The following TRPM3 variants were observed in gnomAD, a reference collection of about 807,000 sequenced individuals.
TRPM3 encodes long transient receptor potential channel 3.
A neutral mutation model predicts 181.2 loss-of-function variants in TRPM3; 77 were observed. The ratio of observed to expected loss-of-function variants is 0.42; its 90% confidence interval spans 0.35 to 0.51. TRPM3 has a LOEUF of 0.51. TRPM3 is among the 20% of genes least tolerant of loss of function. The pLI is 0.01. For synonymous variants in TRPM3, 745 were observed against 796.4 expected (o/e 0.94, Z 1.09); for missense variants, 1,759 against 2,196.7 (o/e 0.80, Z 3.98).
intron 1 of TRPM3, among the ~76,000 whole-genome samples, chr9:71,428,415 C>T (rs1248298446): frequency 1.3e-5 from 2 of 151,988 alleles, no homozygotes. Context: ...TTTTAAACAG[C>T]TTTCCAGGTG....
intron 22 of TRPM3, among the ~76,000 whole-genome samples, chr9:70,567,531 T>C (rs1311876634): frequency 2.0e-5 from 3 of 152,228 alleles, no homozygotes; most frequent in Non-Finnish European, 4.4e-5. Flanking sequence ...TTTTTAAATA[T>C]GGCCATCACA....
chr9:70,532,083 G>A lies in TRPM3; in HGVS notation c.*3870C>T, dbSNP rs2040956934. 1.3e-5 allele frequency: 2 copies of A among 152,132 alleles called. No individual in the cohort carries two copies. Among genetic ancestry groups the A allele is most frequent in the African/African-American group, 4.8e-5 (2 of 41,418 alleles). The allele number at this position is 152,132 out of a possible 1,614,324, so 9.4% of individuals were successfully genotyped here. ...TGGGTTAAACATGGGTTACATACAT[G>A]TTTACATGTGTTTTATAATACAGCA... On this transcript the variant is annotated 3_prime_UTR_variant, in exon 26 of 26. Coordinates refer to ENST00000677713, the MANE Select transcript of TRPM3 (RefSeq NM_001366145.2).
chr9:70,989,596 C>T (rs956698684), intron 1 of TRPM3, among the ~76,000 whole-genome samples: 18 of 152,186 alleles, frequency 1.2e-4, no homozygotes, highest in Admixed American at 4.6e-4. Flanking sequence ...ATGGAGGTTA[C>T]GGTGTTGGCA....
chr9:70,538,537 T>C (rs186281842), intron 25 of TRPM3, among the ~76,000 whole-genome samples: 7 of 152,330 alleles, frequency 4.6e-5, no homozygotes, highest in Non-Finnish European at 1.0e-4. Flanking sequence ...CAAGCGATCC[T>C]CCTGGCTCAG....
At chr9:70,872,429 C>T (rs2095804262) in intron 1 of TRPM3, among the ~76,000 whole-genome samples, 1 of 151,944 alleles carries the variant, frequency 6.6e-6, no homozygotes, top group African/African-American at 2.4e-5. Flanking sequence ...GAGGACTTTG[C>T]TCCTGTCATT....
chr9:70,924,681 G>T (rs773381101), intron 1 of TRPM3, among the ~76,000 whole-genome samples: 30 of 152,032 alleles, frequency 2.0e-4, no homozygotes, highest in Non-Finnish European at 4.1e-4. Flanking sequence ...AGGCCAGCTC[G>T]GTTTCTACCA....
At chr9:71,141,386 G>A (rs959334686) in intron 1 of TRPM3, among the ~76,000 whole-genome samples, 3 of 152,088 alleles carry the variant, frequency 2.0e-5, no homozygotes, top group East Asian at 3.9e-4. Flanking sequence ...GGATTTTAGT[G>A]TTCAAAAACC....
chr9:70,541,865 G>A (rs2131663702), intron 25 of TRPM3, among the ~76,000 whole-genome samples: 1 of 152,222 alleles, frequency 6.6e-6, no homozygotes, highest in East Asian at 2.0e-4. Context: ...GCTCACACCT[G>A]TAATCCCAGG....
intron 9 of TRPM3, among the ~76,000 whole-genome samples, chr9:70,657,380 CT>C (rs1208347732): frequency 1.3e-5 from 2 of 151,620 alleles, no homozygotes; most frequent in Non-Finnish European, 2.9e-5. Context: ...ATACTAACAA[CT>C]CATTTTCAGC....
At chr9:71,062,465 T>A (rs2061436901) in intron 1 of TRPM3, among the ~76,000 whole-genome samples, 1 of 152,118 alleles carries the variant, frequency 6.6e-6, no homozygotes, top group African/African-American at 2.4e-5. Context: ...AAACACAGCA[T>A]AAAACCATAC....
chr9:71,109,660 A>G (rs964163746), intron 1 of TRPM3, among the ~76,000 whole-genome samples: 4 of 152,142 alleles, frequency 2.6e-5, no homozygotes, highest in Admixed American at 2.6e-4. Context: ...TAGACAATCT[A>G]CCAATGTTTA....
chr9:71,368,260 T>C (rs1397115553), intron 1 of TRPM3, among the ~76,000 whole-genome samples: 1 of 152,190 alleles, frequency 6.6e-6, no homozygotes, highest in Non-Finnish European at 1.5e-5. Flanking sequence ...GATTACTTGT[T>C]TGACAGCTGC....
At chr9:70,656,025 A>G (rs1256725189) in intron 9 of TRPM3, among the ~76,000 whole-genome samples, 2 of 152,206 alleles carry the variant, frequency 1.3e-5, no homozygotes, top group Non-Finnish European at 2.9e-5. Flanking sequence ...CAAATACCTT[A>G]TCAGAAAAAG....
intron 1 of TRPM3, among the ~76,000 whole-genome samples, chr9:71,251,367 G>C (rs1010057806): frequency 6.6e-6 from 1 of 152,000 alleles, no homozygotes; most frequent in African/African-American, 2.4e-5. Flanking sequence ...ACTTTGTTCT[G>C]AGTTCATCTT....
intron 1 of TRPM3, among the ~76,000 whole-genome samples, chr9:71,366,124 A>C (rs1387438415): frequency 6.6e-6 from 1 of 152,208 alleles, no homozygotes; most frequent in Non-Finnish European, 1.5e-5. Context: ...GTAATTGCTT[A>C]GCACATAGTA....
chr9:70,878,290 A>G (rs1226205747), intron 1 of TRPM3, among the ~76,000 whole-genome samples: 1 of 152,128 alleles, frequency 6.6e-6, no homozygotes, highest in Non-Finnish European at 1.5e-5. Flanking sequence ...ACAGAAGCAT[A>G]GCTGTGGAGT....
At chr9:71,172,091 C>T (rs1204287583) in intron 1 of TRPM3, among the ~76,000 whole-genome samples, 1 of 151,924 alleles carries the variant, frequency 6.6e-6, no homozygotes, top group Non-Finnish European at 1.5e-5. Flanking sequence ...TTTTGCAGGA[C>T]GTGTCTTGCT....
intron 17 of TRPM3, 75 bp downstream of exon 17, chr9:70,618,792 G>C (rs372764267): frequency 8.6e-6 from 11 of 1,280,350 alleles, no homozygotes; most frequent in East Asian, 7.1e-5. Context: ...CAATTCCATG[G>C]CAGATTTTGG....
chr9:71,415,434 TAC>T (rs2093622197), intron 1 of TRPM3, among the ~76,000 whole-genome samples: 1 of 152,070 alleles, frequency 6.6e-6, no homozygotes, highest in Non-Finnish European at 1.5e-5. Context: ...ATTCTTTAAA[TAC>T]ATATATTTTT....
Sources: allele counts gnomAD v4.1 joint callset (sites outside exome capture counted in the v4.1 genomes callset), GRCh38; gene constraint gnomAD v4.1.1; transcripts MANE v1.5; gene names NCBI Gene and HGNC (gene_info 2026-07-23, HGNC 2026-07-21).